The following FRRS1 variants were observed in gnomAD, a reference collection of about 807,000 sequenced individuals.
FRRS1 encodes ferric reductase 1.
Under a neutral mutation model 70.7 loss-of-function variants are expected in FRRS1, and 51 were observed. That is an observed-to-expected ratio of 0.72 (90% CI 0.58 to 0.91). The LOEUF (loss-of-function observed/expected upper bound fraction) is 0.91, where lower values mean the gene tolerates loss of function less well. Ranked by LOEUF, FRRS1 falls within the 40% of genes least tolerant of loss-of-function variation. The pLI, the probability that FRRS1 is intolerant of heterozygous loss-of-function variation, is 0.00. For missense variants in FRRS1, 672 were observed against 726.0 expected, an observed-to-expected ratio of 0.93 and a Z score of 0.86; for synonymous variants, 225 against 238.7, an observed-to-expected ratio of 0.94 and a Z score of 0.53.
intron 1 of FRRS1, among the ~76,000 whole-genome samples, chr1:99,755,807 T>C (rs1174542592): frequency 6.6e-6 from 1 of 152,174 alleles, no homozygotes; most frequent in Non-Finnish European, 1.5e-5. Context: ...GAGCAAGAAG[T>C]ATAAGACAAG....
chr1:99,753,420 G>A (rs2153095), intron 1 of FRRS1, among the ~76,000 whole-genome samples: 74,692 of 150,836 alleles, frequency 0.5, 22,430 homozygotes, highest in African/African-American at 0.85. Flanking sequence ...ACAAACATTC[G>A]ATTTGTAAAA....
chr1:99,749,496 T>C (rs1413891722), intron 1 of FRRS1, among the ~76,000 whole-genome samples: 1 of 152,256 alleles, frequency 6.6e-6, no homozygotes, highest in Non-Finnish European at 1.5e-5. Flanking sequence ...ATGTTTCTTC[T>C]GGATTTAAAT....
intron 1 of FRRS1, among the ~76,000 whole-genome samples, chr1:99,757,350 T>C (rs1466799230): frequency 6.6e-6 from 1 of 152,152 alleles, no homozygotes; most frequent in Non-Finnish European, 1.5e-5. Context: ...AGTTTCAGCC[T>C]TGAATCAAAT....
rs776022707 is a variant in FRRS1, at chr1:99,710,963, A to G, written c.1481-14T>C. ...ACATCGCTGCCACTACATACAAAAGAAAAAAGTTACATTCAAATGTAGTCC... is the reference window on the plus strand; with the variant it reads ...ACATCGCTGCCACTACATACAAAAGGAAAAAGTTACATTCAAATGTAGTCC... On this transcript the variant is annotated splice_polypyrimidine_tract_variant and intron_variant, in intron 14 of 16. Coordinates refer to ENST00000646001, the MANE Select transcript of FRRS1 (RefSeq NM_001361041.2). 3.7e-6 allele frequency: 6 copies of G among 1,608,412 alleles called. No individual in the cohort carries two copies. In the South Asian group the frequency reaches 6.6e-5, roughly 18 times the overall value.
intron 3 of FRRS1, chr1:99,747,910 G>T (rs7528854): frequency 0.49 from 75,404 of 152,670 alleles, 22,645 homozygotes; most frequent in African/African-American, 0.85. Context: ...CTTTTGAATT[G>T]CAGTATTTAA....
At chr1:99,758,327 A>G (rs1475655986) in intron 1 of FRRS1, among the ~76,000 whole-genome samples, 1 of 152,258 alleles carries the variant, frequency 6.6e-6, no homozygotes, top group African/African-American at 2.4e-5. Flanking sequence ...TATTGCTTCT[A>G]TTAGAAAATG....
Position 99,740,831 on chromosome 1 carries a change from A to C in FRRS1, c.538T>G (p.Leu180Val), listed in dbSNP as rs1166761878. ...TGGGAAACGGGAGGTAACGTTGGCAAAGGTACTACTGTAGCTTTAGGTGTT... is the reference window on the plus strand; with the variant it reads ...TGGGAAACGGGAGGTAACGTTGGCACAGGTACTACTGTAGCTTTAGGTGTT... ...FTTPKATVVP[L>V]PTLPPVSHLT... is the part of the protein sequence containing the mutation. Residue 180 changes from leucine to valine, a missense_variant, in exon 6 of 17, where the codon TTG (leucine) becomes GTG (valine). Transcript: ENST00000646001. 1 of 1,613,118 alleles carries C rather than the reference A, an allele frequency of 6.2e-7. No individual in the cohort carries two copies. Among genetic ancestry groups the C allele is most frequent in the East Asian group, 2.2e-5 (1 of 44,872 alleles).
chr1:99,715,549 G>T, intron 12 of FRRS1, 37 bp downstream of exon 12: 1 of 1,158,152 alleles, frequency 8.6e-7, no homozygotes, highest in Non-Finnish European at 1.3e-6. Flanking sequence ...GACATAAAAT[G>T]GATTTATAAA....
chr1:99,765,765 G>C (rs2101014214), intron 1 of FRRS1: 1 of 151,880 alleles, frequency 6.6e-6, no homozygotes, highest in Admixed American at 6.6e-5. Context: ...GCCGGGCGTG[G>C]TGGCGGGCGC....
chr1:99,715,823 AG>A (rs1654495481), intron 11 of FRRS1, 151 bp from the exon 12 acceptor site: 11 of 543,202 alleles, frequency 2.0e-5, no homozygotes, highest in South Asian at 7.8e-5. Flanking sequence ...AGCCAGGTTA[AG>A]AAAAAAAAAA....
At chr1:99,741,744 C>T (rs1326952348) in intron 5 of FRRS1, among the ~76,000 whole-genome samples, 4 of 152,180 alleles carry the variant, frequency 2.6e-5, no homozygotes, top group African/African-American at 7.2e-5. Context: ...TATTATATAA[C>T]ATAAAGACTC....
chr1:99,705,342 A>G lies in FRRS1; in HGVS notation c.*3686T>C, dbSNP rs1375064305. The stretch of plus-strand genomic sequence containing the variant: ...CAGAGATGAGCTTGGTAGGGGCTGC[A>G]CAAGGAAGAAAGAAGCAGGATGTGG... On this transcript the variant is annotated 3_prime_UTR_variant, in exon 17 of 17. Transcript: ENST00000646001. Among the ~76,000 whole-genome samples the G allele has an allele frequency of 6.6e-6, 1 of 152,244 alleles. No individual in the cohort carries two copies. Among genetic ancestry groups the G allele is most frequent in the Non-Finnish European group, 1.5e-5 (1 of 68,044 alleles).
At chr1:99,712,389 G>A (rs754141605) in intron 13 of FRRS1, 29 bp downstream of exon 13, 8 of 1,411,046 alleles carry the variant, frequency 5.7e-6, no homozygotes, top group East Asian at 4.6e-5. Flanking sequence ...TACATTAAGA[G>A]AGCATTTATA....
intron 9 of FRRS1, among the ~76,000 whole-genome samples, chr1:99,725,652 C>A (rs553677779): frequency 6.6e-6 from 1 of 152,318 alleles, no homozygotes; most frequent in African/African-American, 2.4e-5. Flanking sequence ...ATGCCATCAG[C>A]ACAGCAACAT....
At chr1:99,753,784 T>C (rs1211845662) in intron 1 of FRRS1, among the ~76,000 whole-genome samples, 1 of 151,712 alleles carries the variant, frequency 6.6e-6, no homozygotes, top group African/African-American at 2.4e-5. Flanking sequence ...AAACAAGCTG[T>C]CCCTCTATAT....
intron 1 of FRRS1, among the ~76,000 whole-genome samples, chr1:99,759,257 G>A (rs539992758): frequency 6.6e-6 from 1 of 152,264 alleles, no homozygotes; most frequent in Admixed American, 6.5e-5. Context: ...GAGGCTCAGG[G>A]GGCATCAGGG....
intron 12 of FRRS1, among the ~76,000 whole-genome samples, chr1:99,713,273 A>G (rs1654362280): frequency 6.6e-6 from 1 of 152,248 alleles, no homozygotes; most frequent in Admixed American, 6.5e-5. Context: ...TCATGGTGCC[A>G]GGATTTGAAT....
rs776343968 is a variant in FRRS1, at chr1:99,738,158, T to C, written c.687A>G (p.Gln229=). ...GGCCGCTCATTTCAACCATCACCGA[T>C]TGGTCATCTCTTGTGAAGGACAAGA... ...CVFLSFTRDD[Q]SVMVEMSGPS... The change falls in exon 7 of 17, where the codon CAA becomes CAG. Residue 229 remains glutamine (Q), a synonymous_variant. Coordinates refer to ENST00000646001, the MANE Select transcript of FRRS1 (RefSeq NM_001361041.2). 16 of 1,613,818 alleles carry C rather than the reference T, an allele frequency of 9.9e-6. No individual in the cohort carries two copies. The highest frequency in any genetic ancestry group is 2.2e-5 in the South Asian group (2 of 91,076).
Position 99,742,280 on chromosome 1 carries a change from T to A in FRRS1, c.334-7A>T. On this transcript the variant is annotated splice_region_variant and splice_polypyrimidine_tract_variant and intron_variant, in intron 4 of 16. Transcript: ENST00000646001. ...TGTGACTCACTGCTGATCCCTGAAATAAAAGGGAAAAGAGCTACCATTCAG... is the reference window on the plus strand; with the variant it reads ...TGTGACTCACTGCTGATCCCTGAAAAAAAAGGGAAAAGAGCTACCATTCAG... 1 of 1,568,638 alleles carries A rather than the reference T, an allele frequency of 6.4e-7. No homozygotes were observed.
Sources: gnomAD v4.1 joint callset for allele counts (sites outside exome capture counted in the v4.1 genomes callset) on GRCh38, gnomAD v4.1.1 for gene constraint, MANE v1.5 for transcripts, NCBI Gene and HGNC (gene_info 2026-07-23, HGNC 2026-07-21) for gene names.